Variants in SEMA6D observed in about 807,000 individuals in gnomAD.
SEMA6D encodes the protein semaphorin-6D.
SEMA6D carries 35 observed loss-of-function variants against 106.6 expected under a neutral mutation model. The ratio of observed to expected loss-of-function variants is 0.33; its 90% CI spans 0.25 to 0.44. SEMA6D has a LOEUF of 0.44. Ranked by LOEUF, SEMA6D falls within the 20% of genes least tolerant of loss-of-function variation. The pLI, the probability that SEMA6D is intolerant of heterozygous loss-of-function variation, is 1.00. For missense variants in SEMA6D, 1,185 were observed against 1,345.9 expected (o/e 0.88, Z 1.87); for synonymous variants, 499 against 487.7 (o/e 1.02, Z -0.31).
At chr15:47,379,260 A>G (rs187683682) in intron 1 of SEMA6D, among the ~76,000 whole-genome samples, 1 of 152,366 alleles carries the variant, frequency 6.6e-6, no homozygotes, top group Admixed American at 6.5e-5. Flanking sequence ...CTTCCTCAAA[A>G]CTGGGATTTG....
chr15:47,676,126 GGCTAATCTCTT>G (rs1255195855), intron 4 of SEMA6D, among the ~76,000 whole-genome samples: 1 of 152,114 alleles, frequency 6.6e-6, no homozygotes, highest in Non-Finnish European at 1.5e-5. Context: ...CATTGGTAGT[GGCTAATCTCTT>G]GCTAATCTCT....
intron 1 of SEMA6D, among the ~76,000 whole-genome samples, chr15:47,405,740 A>C (rs950594629): frequency 6.6e-6 from 1 of 152,068 alleles, no homozygotes; most frequent in Non-Finnish European, 1.5e-5. Context: ...CTAATATTTC[A>C]GTGTCATTTT....
intron 4 of SEMA6D, among the ~76,000 whole-genome samples, chr15:47,652,689 G>A (rs1422556234): frequency 6.6e-6 from 1 of 152,164 alleles, no homozygotes; most frequent in African/African-American, 2.4e-5. Flanking sequence ...TTTTACATGT[G>A]GCTTGTGCCC....
chr15:47,493,692 A>C (rs2043544781), intron 3 of SEMA6D, among the ~76,000 whole-genome samples: 1 of 152,058 alleles, frequency 6.6e-6, no homozygotes. Flanking sequence ...TATTCGTTAT[A>C]TTTTTGGGAG....
chr15:47,521,172 A>T (rs1314442085), intron 3 of SEMA6D, among the ~76,000 whole-genome samples: 1 of 152,186 alleles, frequency 6.6e-6, no homozygotes, highest in African/African-American at 2.4e-5. Context: ...GCATTCATTC[A>T]CATGACCTGG....
intron 4 of SEMA6D, among the ~76,000 whole-genome samples, chr15:47,636,278 T>G (rs1220547767): frequency 1.1e-4 from 17 of 152,188 alleles, no homozygotes; most frequent in Non-Finnish European, 1.5e-5. Context: ...TGCTCATTTC[T>G]GAATTGAGAG....
chr15:47,215,975 T>C, intron 1 of SEMA6D, among the ~76,000 whole-genome samples: 1 of 152,182 alleles, frequency 6.6e-6, no homozygotes, highest in East Asian at 1.9e-4. Context: ...ATCAGACAAC[T>C]GGCATTTTCC....
At chr15:47,592,922 C>A (rs1303624107) in intron 3 of SEMA6D, among the ~76,000 whole-genome samples, 1 of 152,072 alleles carries the variant, frequency 6.6e-6, no homozygotes, top group African/African-American at 2.4e-5. Flanking sequence ...ATGAACATAA[C>A]CTTCGAGAAC....
At chr15:47,562,377 A>T (rs1301002793) in intron 3 of SEMA6D, among the ~76,000 whole-genome samples, 5 of 152,146 alleles carry the variant, frequency 3.3e-5, no homozygotes, top group Admixed American at 3.3e-4. Context: ...GAAAATCTGC[A>T]TAAGCTTGGT....
intron 1 of SEMA6D, among the ~76,000 whole-genome samples, chr15:47,352,716 T>C (rs1344758928): frequency 6.6e-6 from 1 of 152,220 alleles, no homozygotes; most frequent in African/African-American, 2.4e-5. Context: ...AAGGCTTTAG[T>C]TGATTGACAG....
intron 1 of SEMA6D, among the ~76,000 whole-genome samples, chr15:47,235,506 A>C (rs1049137972): frequency 3.3e-5 from 5 of 151,818 alleles, no homozygotes; most frequent in African/African-American, 1.2e-4. Context: ...TTTTATAGGT[A>C]GTTAGAGATC....
chr15:47,569,762 AT>A (rs1411493508), intron 3 of SEMA6D, among the ~76,000 whole-genome samples: 1 of 152,166 alleles, frequency 6.6e-6, no homozygotes, highest in Non-Finnish European at 1.5e-5. Flanking sequence ...GCTATGGATC[AT>A]TTTATAAGGA....
Position 47,540,519 on chromosome 15 carries a change from T to C in SEMA6D, c.-86-60346T>C, listed in dbSNP as rs1270302857. Among the ~76,000 whole-genome samples the C allele has an allele frequency of 3.3e-5, 5 of 152,278 alleles. No individual in the cohort carries two copies. In the South Asian group the frequency reaches 6.2e-4, roughly 19 times the overall value. ...TTCAGTAAACAGTGAATGAATATAT[T>C]GTAGTTCCTGGTAACGCAGGCAGGC... On this transcript the variant is annotated intron_variant, in intron 3 of 19. Coordinates refer to the SEMA6D transcript ENST00000558014.
chr15:47,641,788 C>G (rs2144738865), intron 4 of SEMA6D, among the ~76,000 whole-genome samples: 1 of 152,278 alleles, frequency 6.6e-6, no homozygotes, highest in East Asian at 1.9e-4. Flanking sequence ...CTCCCTCTGC[C>G]ATAAAACGTC....
chr15:47,599,470 T>C (rs1442902289), intron 3 of SEMA6D, among the ~76,000 whole-genome samples: 5 of 150,312 alleles, frequency 3.3e-5, no homozygotes, highest in Non-Finnish European at 7.4e-5. Context: ...TCTCAAAAAG[T>C]AGATGGAGTT....
intron 3 of SEMA6D, among the ~76,000 whole-genome samples, chr15:47,542,820 GT>G (rs2045397823): frequency 6.6e-6 from 1 of 152,158 alleles, no homozygotes; most frequent in African/African-American, 2.4e-5. Context: ...CTGTGTGTCT[GT>G]TCAAGTTAGC....
At chr15:47,323,467 T>C (rs145689995) in intron 1 of SEMA6D, among the ~76,000 whole-genome samples, 1 of 152,116 alleles carries the variant, frequency 6.6e-6, no homozygotes. Context: ...GGGCTTAGAA[T>C]GGGGAAGTGC....
chr15:47,210,087 A>G (rs1274748615), intron 1 of SEMA6D, among the ~76,000 whole-genome samples: 3 of 152,184 alleles, frequency 2.0e-5, no homozygotes, highest in South Asian at 2.1e-4. Flanking sequence ...CCAATGACCT[A>G]CCCTTTAAGT....
intron 4 of SEMA6D, chr15:47,605,418 C>T (rs2076758116): frequency 6.6e-6 from 1 of 152,220 alleles, no homozygotes; most frequent in Admixed American, 6.5e-5. Flanking sequence ...GGCTTTTACT[C>T]ACACCAACCA....
Sources: gnomAD v4.1 joint callset for allele counts (sites outside exome capture counted in the v4.1 genomes callset) on GRCh38, gnomAD v4.1.1 for gene constraint, MANE v1.5 for transcripts, NCBI Gene and HGNC (gene_info 2026-07-23, HGNC 2026-07-21) for gene names.